Variants in PNO1 observed in about 807,000 individuals in gnomAD.
The protein encoded by PNO1 is RNA-binding protein PNO1.
Under a neutral mutation model 28.4 loss-of-function variants are expected in PNO1, and 16 were observed. That is an observed-to-expected ratio of 0.56 (90% CI 0.38 to 0.85). The LOEUF (loss-of-function observed/expected upper bound fraction) is 0.85, where lower values mean the gene tolerates loss of function less well. Ranked by LOEUF, PNO1 falls within the 40% of genes least tolerant of loss-of-function variation. The probability of loss-of-function intolerance (pLI) is 0.00; values close to 1 mark genes in which losing one functional copy is unlikely to be tolerated. For synonymous variants in PNO1, 115 were observed against 110.8 expected, an observed-to-expected ratio of 1.04 and a Z score of -0.24; for missense variants, 304 against 312.2, an observed-to-expected ratio of 0.97 and a Z score of 0.20.
At position 68,174,726 on chromosome 2, in the gene PNO1, C is replaced by A. The variant is rs759238272; in HGVS notation, c.692-9C>A. On this transcript the variant is annotated splice_polypyrimidine_tract_variant and intron_variant, in intron 6 of 6. Coordinates refer to ENST00000263657, the MANE Select transcript of PNO1 (RefSeq NM_020143.4). Reference sequence around the variant, plus strand: ...TATTTGTGTATATACTTTTTTTTCCCCTTTGCAGGAAATCCTCCTTCCAAG... The same window carrying A: ...TATTTGTGTATATACTTTTTTTTCCACTTTGCAGGAAATCCTCCTTCCAAG... 2 of 1,591,476 alleles carry A rather than the reference C, an allele frequency of 1.3e-6. No individual in the cohort carries two copies. Among genetic ancestry groups the A allele is most frequent in the South Asian group, 2.2e-5 (2 of 89,888 alleles).
At chr2:68,158,224 T>C in intron 1 of PNO1, 83 bp downstream of exon 1, 1 of 1,438,614 alleles carries the variant, frequency 7.0e-7, no homozygotes, top group African/African-American at 1.4e-5. Flanking sequence ...ATGTTGAAGC[T>C]GCGGTGGGGC....
At chr2:68,170,207 G>A (rs1056614948) in intron 5 of PNO1, among the ~76,000 whole-genome samples, 1 of 152,284 alleles carries the variant, frequency 6.6e-6, no homozygotes, top group African/African-American at 2.4e-5. Flanking sequence ...GCAAAATACA[G>A]TAAGTATAAT....
chr2:68,158,226 C>CG (rs1673723624), intron 1 of PNO1, 85 bp downstream of exon 1: 1 of 1,426,292 alleles, frequency 7.0e-7, no homozygotes, highest in Admixed American at 2.2e-5. Context: ...GTTGAAGCTG[C>CG]GGTGGGGCTG....
intron 5 of PNO1, among the ~76,000 whole-genome samples, chr2:68,170,760 A>AAG (rs1487534512): frequency 6.6e-6 from 1 of 151,466 alleles, no homozygotes; most frequent in African/African-American, 2.4e-5. Context: ...AAAAAAAAAA[A>AAG]AAAAAAAAAG....
rs1674230826 is a variant in PNO1, at chr2:68,174,811, C to CA, written c.*10dup. On this transcript the variant is annotated 3_prime_UTR_variant, in exon 7 of 7. Transcript: ENST00000263657. ...CAGCAGATCGATTCTGATTTCAAGT[C>CA]AGAGACTTTTTATCTTGCCTTTGGA... is the stretch of plus-strand genomic sequence containing the variant. 2.5e-6 allele frequency: 4 copies of CA among 1,576,086 alleles called. No individual in the cohort carries two copies. Among genetic ancestry groups the CA allele is most frequent in the South Asian group, 1.1e-5 (1 of 89,968 alleles).
In PNO1 at chr2:68,173,083, CTTT is replaced by C. The variant is rs200879340; in HGVS notation, c.621-242_621-240del. On this transcript the variant is annotated intron_variant, in intron 5 of 6. Coordinates refer to ENST00000263657, the MANE Select transcript of PNO1 (RefSeq NM_020143.4). ...GGAAATGCTTTTTTGTCTACAATGTCTTTTTTTTTTTTTTTTTTTTTTTTAAGA... is the reference window on the plus strand; with the variant it reads ...GGAAATGCTTTTTTGTCTACAATGTCTTTTTTTTTTTTTTTTTTTTTAAGA... 8.2e-3 allele frequency: 920 copies of C among 111,864 alleles called. 3 individuals are homozygous for C. Among genetic ancestry groups the C allele is most frequent in the African/African-American group, 0.011 (276 of 25,108 alleles). 6.9% of individuals were successfully genotyped at this position (111,864 alleles called of 1,614,324 possible).
chr2:68,166,392 GAA>G (rs869077805), intron 5 of PNO1, among the ~76,000 whole-genome samples: 1 of 61,890 alleles, frequency 1.6e-5, no homozygotes, highest in Non-Finnish European at 2.7e-5. Flanking sequence ...GTAAGCTAGA[GAA>G]AAAATGTTAT....
chr2:68,174,078 A>G (rs1674204749), intron 6 of PNO1, among the ~76,000 whole-genome samples: 1 of 152,200 alleles, frequency 6.6e-6, no homozygotes, highest in South Asian at 2.1e-4. Flanking sequence ...TAATTGATCC[A>G]CTTAACCCAT....
At chr2:68,165,379 AC>A (rs1673961057) in intron 5 of PNO1, among the ~76,000 whole-genome samples, 5 of 134,662 alleles carry the variant, frequency 3.7e-5, no homozygotes, top group African/African-American at 8.2e-5. Context: ...AAAAAAAAAA[AC>A]AACAAAAAAA....
At chr2:68,173,256 A>G in intron 5 of PNO1, 91 bp from the exon 6 acceptor site, 1 of 786,384 alleles carries the variant, frequency 1.3e-6, no homozygotes. Context: ...GCCACAAATG[A>G]TCTACCTGCC....
At chr2:68,163,997 A>T (rs529653206) in intron 5 of PNO1, among the ~76,000 whole-genome samples, 1 of 152,144 alleles carries the variant, frequency 6.6e-6, no homozygotes, top group African/African-American at 2.4e-5. Context: ...ATACTGAAGG[A>T]CTCTTCATTA....
Position 68,157,911 on chromosome 2 carries a change from G to C in PNO1, c.-24G>C, listed in dbSNP as rs762366736. ...GTGCAGCTGCGCACGTGTTTCAGCC[G>C]GCAGCGCTTTAAGATTTCCGGGGAT... On this transcript the variant is annotated 5_prime_UTR_variant, in exon 1 of 7. Transcript: ENST00000263657. 1.9e-6 allele frequency: 3 copies of C among 1,606,848 alleles called. No individual in the cohort carries two copies. Among genetic ancestry groups the C allele is most frequent in the South Asian group, 1.1e-5 (1 of 90,912 alleles).
chr2:68,173,169 C>G (rs1674177372), intron 5 of PNO1, 178 bp from the exon 6 acceptor site: 6 of 368,450 alleles, frequency 1.6e-5, no homozygotes, highest in South Asian at 1.6e-4. Flanking sequence ...GCACGTGCTA[C>G]TACACCCAGC....
At chr2:68,173,446 T>C (rs1223776427) in intron 6 of PNO1, 29 bp downstream of exon 6, 7 of 1,348,198 alleles carry the variant, frequency 5.2e-6, no homozygotes, top group Non-Finnish European at 2.1e-6. Flanking sequence ...TTTGGTGTTT[T>C]CTCTGGGAGG....
chr2:68,168,251 G>A (rs558339721), intron 5 of PNO1, among the ~76,000 whole-genome samples: 4 of 152,208 alleles, frequency 2.6e-5, no homozygotes, highest in East Asian at 3.8e-4. Flanking sequence ...ACCCCTGGTC[G>A]CTTTGGGGTG....
intron 5 of PNO1, 123 bp downstream of exon 5, chr2:68,162,786 T>G: frequency 1.4e-6 from 1 of 696,834 alleles, no homozygotes; most frequent in Non-Finnish European, 2.6e-6. Context: ...GTGCAGATGC[T>G]CCTCATAAAT....
intron 6 of PNO1, among the ~76,000 whole-genome samples, chr2:68,173,922 G>A (rs1674200500): frequency 1.3e-5 from 2 of 152,194 alleles, no homozygotes; most frequent in South Asian, 4.1e-4. Flanking sequence ...TTGTCTGCAA[G>A]AGAAGAGAAG....
chr2:68,165,651 C>T (rs1030018248), intron 5 of PNO1, among the ~76,000 whole-genome samples: 2 of 149,590 alleles, frequency 1.3e-5, no homozygotes, highest in Non-Finnish European at 3.0e-5. Context: ...GAATTCGAAA[C>T]CAGCCTGGGC....
Position 68,162,534 on chromosome 2 carries a change from T to A in PNO1, c.503-12T>A. ...ATGGCTTGCCTCCTGAGATCTTGCT[T>A]TTCTTGTTTAGTTAAACCCCTAAAG... On this transcript the variant is annotated splice_polypyrimidine_tract_variant and intron_variant, in intron 4 of 6. Coordinates refer to ENST00000263657, the MANE Select transcript of PNO1 (RefSeq NM_020143.4). The A allele has an allele frequency of 6.3e-7, 1 of 1,578,402 alleles. No homozygotes were observed. Among genetic ancestry groups the A allele is most frequent in the Non-Finnish European group, 8.7e-7 (1 of 1,148,720 alleles).
Sources: gnomAD v4.1 joint callset for allele counts (sites outside exome capture counted in the v4.1 genomes callset) on GRCh38, gnomAD v4.1.1 for gene constraint, MANE v1.5 for transcripts, NCBI Gene and HGNC (gene_info 2026-07-23, HGNC 2026-07-21) for gene names.